PTCD1: variants seen among roughly 807,000 people sequenced by gnomAD.
PTCD1 encodes pentatricopeptide repeat domain 1.
A neutral mutation model predicts 53.4 loss-of-function variants in PTCD1; 50 were observed. The observed-to-expected ratio is 0.94, with a 90% CI of 0.75 to 1.19. The LOEUF (loss-of-function observed/expected upper bound fraction) is 1.19, where lower values mean the gene tolerates loss of function less well. Among genes scored for constraint, PTCD1 ranks in the 50% most tolerant of loss-of-function variants. PTCD1 has a pLI of 0.00. For missense variants in PTCD1, 918 were observed against 904.8 expected (o/e 1.01, Z -0.19); for synonymous variants, 413 against 394.8 (o/e 1.05, Z -0.55).
chr7:99,420,081 T>C lies in PTCD1; in HGVS notation c.1989A>G (p.Thr663=). 1 of 1,614,236 alleles carries C rather than the reference T, an allele frequency of 6.2e-7. No homozygotes were observed. The highest frequency in any genetic ancestry group is 1.1e-5 in the South Asian group (1 of 91,090). ...GFRAYYKQWL[T]VMPAEETPHP... ...GCGGGGTTTCCTCTGCGGGCATCAC[T>C]GTCAGCCACTGCTTGTAATAGGCTC... Residue 663 remains threonine, a synonymous_variant, in exon 8 of 8, where the codon ACA becomes ACG. Transcript: ENST00000292478.
rs1364242492 is a variant in PTCD1 at position 99,417,398 on chromosome 7, G to A, written c.*2569C>T. On this transcript the variant is annotated 3_prime_UTR_variant, in exon 8 of 8. Transcript: ENST00000292478. ...GGGTGGGGAAGGTTTTTAGACCATG[G>A]CCTGATGCTCTTTCCCCATCTTTTT... 1.9e-6 allele frequency: 3 copies of A among 1,609,470 alleles called. No homozygotes were observed. Among genetic ancestry groups the A allele is most frequent in the African/African-American group, 2.7e-5 (2 of 74,860 alleles).
At chr7:99,429,015 A>G (rs1796161198) in intron 5 of PTCD1, 88 bp downstream of exon 5, 1 of 1,449,152 alleles carries the variant, frequency 6.9e-7, no homozygotes. Context: ...TACTCAGCAC[A>G]GGGCCATCGT....
In PTCD1 at chr7:99,433,376, C is replaced by G; in HGVS notation, c.496G>C (p.Glu166Gln). Residue 166 changes from glutamate (E) to glutamine (Q), a missense_variant, in exon 3 of 8, where the codon GAG (glutamate) becomes CAG (glutamine). By Grantham distance (29) the Glu-to-Gln change is conservative (BLOSUM62 2). Coordinates refer to ENST00000292478, the MANE Select transcript of PTCD1 (RefSeq NM_015545.4). ...LDLFERQMLK[E>Q]ERLQPMESNY... Reference sequence around the variant, plus strand: ...CTCTCCATGGGCTGCAATCGCTCCTCCTTCAGCATCTGCCTCTCAAACAGG... The same window carrying G: ...CTCTCCATGGGCTGCAATCGCTCCTGCTTCAGCATCTGCCTCTCAAACAGG... 6.2e-7 allele frequency: 1 copy of G among 1,614,228 alleles called. No individual in the cohort carries two copies. The highest frequency in any genetic ancestry group is 8.5e-7 in the Non-Finnish European group (1 of 1,180,056).
rs1429654789 is a variant in PTCD1, at chr7:99,420,102, G to A, written c.1968C>T (p.Ala656=). Residue 656 remains alanine, a synonymous_variant, in exon 8 of 8, where the codon GCC becomes GCT. Transcript: ENST00000292478. ...TYLEKIDGFR[A]YYKQWLTVMP... is the part of the protein sequence containing the mutation. ...TCACTGTCAGCCACTGCTTGTAATA[G>A]GCTCGGAAGCCGTCAATCTTCTCCA... 6.2e-7 allele frequency: 1 copy of A among 1,614,198 alleles called. No homozygotes were observed. Among genetic ancestry groups the A allele is most frequent in the Admixed American group, 1.7e-5 (1 of 60,022 alleles).
At chr7:99,429,051 C>T in intron 5 of PTCD1, 52 bp downstream of exon 5, 1 of 1,603,782 alleles carries the variant, frequency 6.2e-7, no homozygotes, top group Non-Finnish European at 8.5e-7. Context: ...CACCATTTTG[C>T]ACCTCTGGCA....
chr7:99,425,244 C>A lies in PTCD1; in HGVS notation c.1288G>T (p.Ala430Ser), dbSNP rs753927648. Residue 430 changes from alanine to serine, a missense_variant, in exon 6 of 8, where the codon GCC (alanine) becomes TCC (serine). Physicochemically the swap from Ala to Ser is moderately conservative, Grantham distance 99 (BLOSUM62 1). Transcript: ENST00000292478. ...PSHTAALTAVALKPPPVELEV... is the reference protein window; with the variant it reads ...PSHTAALTAVSLKPPPVELEV... The stretch of plus-strand genomic sequence containing the variant: ...AGCTCCACGGGAGGTGGCTTCAGGG[C>A]CACTGCGGTGAGGGCTGCTGTGTGG... The A allele has an allele frequency of 2.5e-6, 4 of 1,612,376 alleles. No individual in the cohort carries two copies. In the South Asian group the frequency reaches 4.4e-5, roughly 18 times the overall value.
Position 99,425,562 on chromosome 7 carries a change from G to A in PTCD1, c.970C>T (p.Leu324=). ...CAGTCCCGAGCTGCCACCAACAGCA[G>A]GTTGTAGCTGTCCCGGCTCGGCTGT... ...GLQPSRDSYN[L]LLVAARDCGL... The change falls in exon 6 of 8, where the codon CTG becomes TTG. Residue 324 remains leucine, a synonymous_variant. Coordinates refer to ENST00000292478, the MANE Select transcript of PTCD1 (RefSeq NM_015545.4). The A allele has an allele frequency of 6.2e-7, 1 of 1,612,656 alleles. No homozygotes were observed. The highest frequency in any genetic ancestry group is 1.3e-5 in the African/African-American group (1 of 75,056).
chr7:99,421,683 C>T (rs554696987), intron 7 of PTCD1, among the ~76,000 whole-genome samples: 2 of 149,484 alleles, frequency 1.3e-5, no homozygotes, highest in East Asian at 2.0e-4. Context: ...TGAACCTGGG[C>T]GGCAGAGGTT....
intron 5 of PTCD1, among the ~76,000 whole-genome samples, chr7:99,428,186 G>A (rs1231048014): frequency 6.6e-6 from 1 of 151,916 alleles, no homozygotes; most frequent in Non-Finnish European, 1.5e-5. Flanking sequence ...GGATCACGAG[G>A]TAGGAGAGCG....
Position 99,417,599 on chromosome 7 carries a change from A to G in PTCD1, c.*2368T>C, listed in dbSNP as rs370967032. ...GCCCAAAAGCAAGCTGGAAGTGGTA[A>G]TGTCTGACACTCAAGCTTGGTGTTG... is the stretch of plus-strand genomic sequence containing the variant. On this transcript the variant is annotated 3_prime_UTR_variant, in exon 8 of 8. Transcript: ENST00000292478. 5 of 1,610,882 alleles carry G rather than the reference A, an allele frequency of 3.1e-6. No homozygotes were observed. The highest frequency in any genetic ancestry group is 4.2e-6 in the Non-Finnish European group (5 of 1,179,996).
chr7:99,438,272 C>T (rs45550138), intron 1 of PTCD1, among the ~76,000 whole-genome samples: 1 of 151,504 alleles, frequency 6.6e-6, no homozygotes, highest in Non-Finnish European at 1.5e-5. Context: ...ACCCGCCCCC[C>T]CAACCCCGCC....
In PTCD1 at chr7:99,424,882, G is replaced by A; in HGVS notation, c.1650C>T (p.Gly550=). 1 of 1,614,260 alleles carries A rather than the reference G, an allele frequency of 6.2e-7. No individual in the cohort carries two copies. The highest frequency in any genetic ancestry group is 8.5e-7 in the Non-Finnish European group (1 of 1,180,048). ...AGAATGTCTGCAGGTTGGGGACGAG[G>A]CCCCTCTTTGCCAGGACCGGCAACA... The part of the protein sequence containing the change: ...KALLPVLAKR[G]LVPNLQTFCN... The change falls in exon 6 of 8, where the codon GGC becomes GGT. Residue 550 remains glycine (G), a synonymous_variant. Coordinates refer to ENST00000292478, the MANE Select transcript of PTCD1 (RefSeq NM_015545.4).
At chr7:99,435,303 C>T (rs1423834113) in intron 1 of PTCD1, 35 bp from the exon 2 acceptor site, 1 of 1,597,804 alleles carries the variant, frequency 6.3e-7, no homozygotes, top group South Asian at 1.1e-5. Flanking sequence ...AGAGTCAACT[C>T]AGTTCCTAGT....
At position 99,435,118 on chromosome 7, in the gene PTCD1, A is replaced by G. The variant is rs776301030; in HGVS notation, c.125T>C (p.Met42Thr). 6.2e-7 allele frequency: 1 copy of G among 1,603,710 alleles called. No individual in the cohort carries two copies. Among genetic ancestry groups the G allele is most frequent in the East Asian group, 2.2e-5 (1 of 44,764 alleles). Residue 42 changes from methionine (M) to threonine (T), a missense_variant, in exon 2 of 8, where the codon ATG (methionine) becomes ACG (threonine). Transcript: ENST00000292478. ...AGGREGLMRP[M>T]WAPFSSSSSQ... ...GGAGGAGCTGCTGAAGGGCGCCCACATTGGCCGCATCAGCCCCTCCCTGCC... is the reference window on the plus strand; with the variant it reads ...GGAGGAGCTGCTGAAGGGCGCCCACGTTGGCCGCATCAGCCCCTCCCTGCC...
intron 1 of PTCD1, among the ~76,000 whole-genome samples, chr7:99,437,319 C>T (rs1209424437): frequency 6.6e-6 from 1 of 151,388 alleles, no homozygotes; most frequent in Non-Finnish European, 1.5e-5. Flanking sequence ...AATTTCTTTT[C>T]TTTTCTTTTT....
chr7:99,417,916 T>G lies in PTCD1; in HGVS notation c.*2051A>C. ...GGTGACATCAGGGAAGGACAACCAG[T>G]GAGTTCCTGTCCCTTTCAGTCCTCA... On this transcript the variant is annotated 3_prime_UTR_variant, in exon 8 of 8. Coordinates refer to ENST00000292478, the MANE Select transcript of PTCD1 (RefSeq NM_015545.4). 1 of 1,299,240 alleles carries G rather than the reference T, an allele frequency of 7.7e-7. No individual in the cohort carries two copies. Among genetic ancestry groups the G allele is most frequent in the South Asian group, 1.5e-5 (1 of 66,020 alleles). 80.5% of individuals were successfully genotyped at this position (1,299,240 alleles called of 1,614,324 possible).
rs1201168036 is a variant in PTCD1, at chr7:99,419,498, C to T, written c.*469G>A. 6 of 1,596,086 alleles carry T rather than the reference C, an allele frequency of 3.8e-6. No homozygotes were observed. The highest frequency in any genetic ancestry group is 3.3e-5 in the Admixed American group (2 of 59,930). ...TCGCAGGTTCCTGCCTGTCACGCCA[C>T]CCCCTTCCTGGGAGCAGCGAGCAGT... On this transcript the variant is annotated 3_prime_UTR_variant, in exon 8 of 8. Transcript: ENST00000292478.
At chr7:99,421,091 G>C (rs1429161793) in intron 7 of PTCD1, among the ~76,000 whole-genome samples, 2 of 152,192 alleles carry the variant, frequency 1.3e-5, no homozygotes, top group Admixed American at 6.5e-5. Flanking sequence ...GAGGGAATAT[G>C]AGTACAGATG....
chr7:99,421,119 C>T (rs1421272529), intron 7 of PTCD1, among the ~76,000 whole-genome samples: 1 of 152,076 alleles, frequency 6.6e-6, no homozygotes, highest in Non-Finnish European at 1.5e-5. Flanking sequence ...CAGCAGGGTT[C>T]CGCCCCCCAA....
Sources: gnomAD v4.1 joint callset for allele counts (sites outside exome capture counted in the v4.1 genomes callset) on GRCh38, gnomAD v4.1.1 for gene constraint, MANE v1.5 for transcripts, NCBI Gene and HGNC (gene_info 2026-07-23, HGNC 2026-07-21) for gene names.